The following ASTN2 variants were observed in gnomAD, a reference collection of about 807,000 sequenced individuals.
ASTN2 encodes astrotactin 2.
A neutral mutation model predicts 139.8 loss-of-function variants in ASTN2; 54 were observed. The ratio of observed to expected loss-of-function variants is 0.39; its 90% confidence interval spans 0.31 to 0.48. ASTN2 has a LOEUF of 0.48. ASTN2 is among the 20% of genes least tolerant of loss of function. The pLI is 0.95. For synonymous variants in ASTN2, 756 were observed against 719.5 expected (o/e 1.05, Z -0.81); for missense variants, 1,565 against 1,725.1 (o/e 0.91, Z 1.64).
At chr9:117,344,688 A>G (rs1829162165) in intron 1 of ASTN2, among the ~76,000 whole-genome samples, 1 of 152,056 alleles carries the variant, frequency 6.6e-6, no homozygotes, top group South Asian at 2.1e-4. Context: ...TTTTGTTTTC[A>G]TTTCTTCATC....
chr9:116,860,767 T>C (rs375779073), intron 11 of ASTN2, among the ~76,000 whole-genome samples: 6 of 152,218 alleles, frequency 3.9e-5, no homozygotes, highest in African/African-American at 1.4e-4. Context: ...TCCACATTCC[T>C]GAGGGAATCT....
intron 13 of ASTN2, among the ~76,000 whole-genome samples, chr9:116,796,086 C>T (rs1428530925): frequency 1.3e-5 from 2 of 152,204 alleles, no homozygotes; most frequent in Non-Finnish European, 2.9e-5. Flanking sequence ...CCCTCTATGG[C>T]ACGTGGGACT....
intron 10 of ASTN2, among the ~76,000 whole-genome samples, chr9:116,883,085 T>A (rs1410378370): frequency 6.6e-6 from 1 of 152,162 alleles, no homozygotes; most frequent in East Asian, 1.9e-4. Flanking sequence ...ATATGCACAA[T>A]GATGTTCGTC....
chr9:116,518,714 A>T (rs1466204633), intron 19 of ASTN2, among the ~76,000 whole-genome samples: 3 of 152,184 alleles, frequency 2.0e-5, no homozygotes, highest in South Asian at 4.1e-4. Flanking sequence ...CACTTAAAAG[A>T]TACAGAATGG....
At position 117,415,025 on chromosome 9, in the gene ASTN2, A is replaced by T. The variant is rs903897066; in HGVS notation, c.-87T>A. The T allele has an allele frequency of 1.1e-5, 2 of 183,132 alleles. No homozygotes were observed. The highest frequency in any genetic ancestry group is 4.8e-5 in the African/African-American group (2 of 41,872). 11.3% of individuals were successfully genotyped at this position (183,132 alleles called of 1,614,324 possible). ...GAGGAGGCAGCTGCGGAGACGGCGG[A>T]CGCCGAAGCGAACCAGGACGCCCGA... On this transcript the variant is annotated 5_prime_UTR_variant, in exon 1 of 23. Transcript: ENST00000313400.
At chr9:117,020,876 G>A (rs1056933850) in intron 6 of ASTN2, among the ~76,000 whole-genome samples, 1 of 152,082 alleles carries the variant, frequency 6.6e-6, no homozygotes, top group African/African-American at 2.4e-5. Context: ...GCAGAATATT[G>A]CCATAGATGT....
intron 1 of ASTN2, among the ~76,000 whole-genome samples, chr9:117,380,074 A>G (rs896905179): frequency 2.6e-5 from 4 of 152,182 alleles, no homozygotes; most frequent in African/African-American, 9.6e-5. Context: ...GAGAGGATAT[A>G]GCAGGAGAAG....
intron 13 of ASTN2, among the ~76,000 whole-genome samples, chr9:116,766,332 A>G (rs1414783514): frequency 2.6e-5 from 4 of 152,036 alleles, no homozygotes; most frequent in Admixed American, 1.3e-4. Flanking sequence ...ACATGGTCAC[A>G]TCACACACAT....
chr9:117,078,942 G>A (rs1828350782), intron 5 of ASTN2, among the ~76,000 whole-genome samples: 1 of 151,896 alleles, frequency 6.6e-6, no homozygotes, highest in African/African-American at 2.4e-5. Context: ...CACCATATTG[G>A]GCAGGCTGGT....
chr9:117,015,016 T>TTTG lies in ASTN2; in HGVS notation c.1424-6760_1424-6758dup, dbSNP rs528035282. Among the ~76,000 whole-genome samples, 172 of 152,116 alleles carry TTTG rather than the reference T, an allele frequency of 1.1e-3. 1 individual carries two copies. The East Asian group carries it at 0.018, about 16-fold the overall frequency. ...CTATCTTATTTCTTTTTGTTTGTTG[T>TTTG]TTGTTGTTGTTGTTGTTGTTGAAAC... On this transcript the variant is annotated intron_variant, in intron 6 of 22. Transcript: ENST00000313400.
intron 7 of ASTN2, 21 bp downstream of exon 7, chr9:117,008,071 A>C: frequency 6.4e-7 from 1 of 1,561,788 alleles, no homozygotes; most frequent in South Asian, 1.2e-5. Context: ...TTCTATCCCC[A>C]TCCCGGCTCC....
At chr9:116,982,928 G>A (rs75051661) in intron 7 of ASTN2, among the ~76,000 whole-genome samples, 12,295 of 152,122 alleles carry the variant, frequency 0.081, 690 homozygotes, top group Non-Finnish European at 0.1. Context: ...GCCAGAGGCC[G>A]CTGCCTCCTC....
At chr9:116,893,653 T>G (rs1428906040) in intron 10 of ASTN2, among the ~76,000 whole-genome samples, 5 of 152,106 alleles carry the variant, frequency 3.3e-5, no homozygotes, top group Non-Finnish European at 7.4e-5. Context: ...CACCAAGACA[T>G]GCAGTTATTA....
intron 10 of ASTN2, among the ~76,000 whole-genome samples, chr9:116,897,291 C>T (rs1163266000): frequency 6.6e-6 from 1 of 152,202 alleles, no homozygotes; most frequent in Non-Finnish European, 1.5e-5. Flanking sequence ...AGTCAATCTC[C>T]TCTCTGGGCA....
intron 10 of ASTN2, among the ~76,000 whole-genome samples, chr9:116,923,892 C>T (rs1055616827): frequency 1.3e-5 from 2 of 152,152 alleles, no homozygotes; most frequent in Non-Finnish European, 2.9e-5. Context: ...AGAGAAGGCA[C>T]TTGCTGATGG....
intron 16 of ASTN2, among the ~76,000 whole-genome samples, chr9:116,681,924 A>G (rs1281765190): frequency 6.6e-6 from 1 of 151,328 alleles, no homozygotes; most frequent in South Asian, 2.1e-4. Context: ...TAAAAACCCT[A>G]GAAGAAAACC....
chr9:116,982,913 C>T (rs1836552579), intron 7 of ASTN2, among the ~76,000 whole-genome samples: 1 of 152,146 alleles, frequency 6.6e-6, no homozygotes, highest in Non-Finnish European at 1.5e-5. Flanking sequence ...ACGGACAAGG[C>T]ATAAGCCAGA....
chr9:117,118,467 G>A (rs1587982715), intron 4 of ASTN2, among the ~76,000 whole-genome samples: 1 of 134,982 alleles, frequency 7.4e-6, no homozygotes, highest in Middle Eastern at 3.7e-3. Context: ...TGCAACATTA[G>A]ATGAAGCTAT....
At chr9:116,859,748 T>C (rs988659820) in intron 11 of ASTN2, among the ~76,000 whole-genome samples, 9 of 152,210 alleles carry the variant, frequency 5.9e-5, no homozygotes, top group Admixed American at 2.0e-4. Flanking sequence ...TTGAGGGCTA[T>C]GAAGGCAAAG....
Sources: gnomAD v4.1 joint callset for allele counts (sites outside exome capture counted in the v4.1 genomes callset) on GRCh38, gnomAD v4.1.1 for gene constraint, MANE v1.5 for transcripts, NCBI Gene and HGNC (gene_info 2026-07-23, HGNC 2026-07-21) for gene names.